The following PCDHA12 variants were observed in gnomAD, a reference collection of about 807,000 sequenced individuals.
PCDHA12 encodes the protein protocadherin alpha 12.
In PCDHA12, 44 loss-of-function variants were observed where a neutral mutation model predicts 60.0. That is an observed-to-expected ratio of 0.73 (90% CI 0.58 to 0.94). The LOEUF is 0.94. Among genes scored for constraint, PCDHA12 ranks in the 40% least tolerant of loss-of-function variants. The pLI, the probability that PCDHA12 is intolerant of heterozygous loss-of-function variation, is 0.00. For missense variants in PCDHA12, 1,276 were observed against 1,239.7 expected, an observed-to-expected ratio of 1.03 and a Z score of -0.44; for synonymous variants, 569 against 553.0, an observed-to-expected ratio of 1.03 and a Z score of -0.40.
Position 140,875,742 on chromosome 5 carries a change from C to T in PCDHA12, c.270C>T (p.Ile90=), listed in dbSNP as rs782079077. The change falls in exon 1 of 4, where the codon ATC becomes ATT. Residue 90 remains isoleucine, a synonymous_variant. Transcript: ENST00000398631. Reference sequence around the variant, plus strand: ...GCATTTTGTTTGTGAATTCTCGGATCGACCGCGAGAAGCTGTGCGGGCGGA... The same window carrying T: ...GCATTTTGTTTGTGAATTCTCGGATTGACCGCGAGAAGCTGTGCGGGCGGA... ...QNGILFVNSR[I]DREKLCGRSA... is the part of the protein sequence containing the mutation. 3.1e-6 allele frequency: 5 copies of T among 1,614,218 alleles called. No individual in the cohort carries two copies. The highest frequency in any genetic ancestry group is 1.1e-5 in the South Asian group (1 of 91,080).
intron 1 of PCDHA12, among the ~76,000 whole-genome samples, chr5:140,923,382 G>A (rs1554201427): frequency 6.6e-6 from 1 of 152,114 alleles, no homozygotes; most frequent in Non-Finnish European, 1.5e-5. Context: ...TTAAAAATTA[G>A]TTGGGCATGG....
intron 1 of PCDHA12, among the ~76,000 whole-genome samples, chr5:140,918,298 A>G (rs2078622610): frequency 6.6e-6 from 1 of 152,150 alleles, no homozygotes; most frequent in Non-Finnish European, 1.5e-5. Context: ...GGCAGAGAAT[A>G]TAGGGTTTTC....
chr5:140,999,265 A>G (rs1554256725), intron 3 of PCDHA12, among the ~76,000 whole-genome samples: 1 of 152,226 alleles, frequency 6.6e-6, no homozygotes, highest in African/African-American at 2.4e-5. Flanking sequence ...GTAAAGGAAT[A>G]CTGCATAGTA....
In PCDHA12 at chr5:140,990,870, T is replaced by G. The variant is rs550033552; in HGVS notation, c.2515+8307T>G. Among the ~76,000 whole-genome samples, 16 of 152,274 alleles carry G rather than the reference T, an allele frequency of 1.1e-4. No individual in the cohort carries two copies. The South Asian group carries it at 3.3e-3, about 32-fold the overall frequency. On this transcript the variant is annotated intron_variant, in intron 3 of 3. Coordinates refer to ENST00000398631, the MANE Select transcript of PCDHA12 (RefSeq NM_018903.4). ...AGCCCTGAGGACATTGTATTTTAAG[T>G]GTATGTTCCAGTGAGTGGGTCGTTG...
chr5:141,000,389 C>CTATATA (rs2097911342), intron 3 of PCDHA12, among the ~76,000 whole-genome samples: 2 of 62,586 alleles, frequency 3.2e-5, no homozygotes, highest in African/African-American at 7.0e-5. Flanking sequence ...CTCTCTCTCT[C>CTATATA]TCTCTCTATA....
intron 1 of PCDHA12, among the ~76,000 whole-genome samples, chr5:140,912,103 G>A (rs1431283462): frequency 6.6e-6 from 1 of 152,212 alleles, no homozygotes; most frequent in Non-Finnish European, 1.5e-5. Context: ...GGAGAAAGAT[G>A]TAGGCTGGGA....
rs782619715 is a variant in PCDHA12, at chr5:140,883,236, T to C, written c.2367+5397T>C. 1.2e-5 allele frequency: 20 copies of C among 1,613,888 alleles called. No individual in the cohort carries two copies. Among genetic ancestry groups the C allele is most frequent in the Non-Finnish European group, 1.7e-5 (20 of 1,180,006 alleles). On this transcript the variant is annotated intron_variant, in intron 1 of 3. Coordinates refer to ENST00000398631, the MANE Select transcript of PCDHA12 (RefSeq NM_018903.4). ...TTATATGAAATATCCGTGGAGGCAGTTGACAAAGGAAATATTCCAATGGCG... is the reference window on the plus strand; with the variant it reads ...TTATATGAAATATCCGTGGAGGCAGCTGACAAAGGAAATATTCCAATGGCG...
intron 1 of PCDHA12, chr5:140,927,238 G>A (rs782670286): frequency 1.2e-6 from 2 of 1,614,122 alleles, no homozygotes; most frequent in Non-Finnish European, 1.7e-6. Flanking sequence ...TCACGTCCTG[G>A]ACACCAATGA....
At chr5:140,907,170 TG>T (rs1318866379) in intron 1 of PCDHA12, among the ~76,000 whole-genome samples, 1 of 152,188 alleles carries the variant, frequency 6.6e-6, no homozygotes. Flanking sequence ...TATTGGATGC[TG>T]ATTCAGAGCA....
intron 1 of PCDHA12, among the ~76,000 whole-genome samples, chr5:140,948,351 A>C (rs951541212): frequency 6.6e-6 from 1 of 151,646 alleles, no homozygotes; most frequent in African/African-American, 2.4e-5. Flanking sequence ...TTCTAACCTA[A>C]TAAAATGACT....
intron 1 of PCDHA12, among the ~76,000 whole-genome samples, chr5:140,925,899 G>A (rs149135478): frequency 2.0e-5 from 3 of 151,846 alleles, no homozygotes; most frequent in African/African-American, 7.3e-5. Context: ...CACCCAGATC[G>A]TCAAGGGCCG....
In PCDHA12 at chr5:140,875,891, TA is replaced by T. The variant is rs2055921027; in HGVS notation, c.420del (p.Pro141LeufsTer14). The T allele has an allele frequency of 1.9e-6, 3 of 1,614,128 alleles. No homozygotes were observed. The highest frequency in any genetic ancestry group is 3.3e-4 in the Middle Eastern group (2 of 6,062). On this transcript the variant is annotated frameshift_variant, in exon 1 of 4. Coordinates refer to ENST00000398631, the MANE Select transcript of PCDHA12 (RefSeq NM_018903.4). LOFTEE classifies it high-confidence loss of function. ...PPVFREREQK[V>X]PVSESAPLDS... ...GTGTTCAGAGAAAGGGAACAAAAGGTACCTGTTTCTGAATCTGCGCCTCTGG... is the reference window on the plus strand; with the variant it reads ...GTGTTCAGAGAAAGGGAACAAAAGGTCCTGTTTCTGAATCTGCGCCTCTGG...
At chr5:140,929,103 G>C (rs1424047708) in intron 1 of PCDHA12, 1 of 1,614,062 alleles carries the variant, frequency 6.2e-7, no homozygotes, top group East Asian at 2.2e-5. Flanking sequence ...ATCCTTGCAT[G>C]ACATCAGCCA....
intron 3 of PCDHA12, among the ~76,000 whole-genome samples, chr5:141,000,391 CTCTCTATATA>C (rs1171335262): frequency 2.9e-3 from 162 of 56,578 alleles, no homozygotes; most frequent in African/African-American, 4.6e-3. Flanking sequence ...CTCTCTCTCT[CTCTCTATATA>C]TATATATATA....
chr5:140,941,211 CTTCCTTTCTTTCTTTCTTTCTTT>C (rs2092859339), intron 1 of PCDHA12, among the ~76,000 whole-genome samples: 20 of 129,726 alleles, frequency 1.5e-4, no homozygotes, highest in Admixed American at 7.8e-4. Flanking sequence ...TCCTTTCTTT[CTTCCTTTCTTTCTTTCTTTCTTT>C]CTTTCTTTCT....
intron 3 of PCDHA12, among the ~76,000 whole-genome samples, chr5:140,999,595 C>T (rs1232390404): frequency 1.3e-5 from 2 of 152,148 alleles, no homozygotes; most frequent in East Asian, 3.9e-4. Flanking sequence ...GCCTTCCCTA[C>T]ATCCTGGGGG....
intron 1 of PCDHA12, among the ~76,000 whole-genome samples, chr5:140,886,840 A>G (rs1175023921): frequency 4.0e-5 from 6 of 151,546 alleles, no homozygotes; most frequent in South Asian, 2.1e-4. Context: ...AAAAAAAAAA[A>G]AAAAAAAGAA....
intron 1 of PCDHA12, among the ~76,000 whole-genome samples, chr5:140,951,417 C>G (rs1259525145): frequency 6.6e-6 from 1 of 152,044 alleles, no homozygotes; most frequent in Non-Finnish European, 1.5e-5. Context: ...AATTGGCTCA[C>G]AGTTCCACAG....
At chr5:140,928,304 AC>A (rs782506310) in intron 1 of PCDHA12, 98 of 1,613,908 alleles carry the variant, frequency 6.1e-5, no homozygotes, top group Non-Finnish European at 7.9e-5. Flanking sequence ...TTTGCCCAGG[AC>A]CCCGACCTGG....
Sources: allele counts gnomAD v4.1 joint callset (sites outside exome capture counted in the v4.1 genomes callset), GRCh38; gene constraint gnomAD v4.1.1; transcripts MANE v1.5; gene names NCBI Gene and HGNC (gene_info 2026-07-23, HGNC 2026-07-21).